The following SYNPO2 variants were observed in gnomAD, a reference collection of about 807,000 sequenced individuals.
The protein encoded by SYNPO2 is synaptopodin-2.
SYNPO2 carries 56 observed loss-of-function variants against 85.0 expected under a neutral mutation model. The ratio of observed to expected loss-of-function variants is 0.66; its 90% CI spans 0.53 to 0.82. SYNPO2 has a LOEUF of 0.82. SYNPO2 is among the 40% of genes least tolerant of loss of function. The pLI is 0.00. For missense variants in SYNPO2, 1,575 were observed against 1,534.2 expected, an observed-to-expected ratio of 1.03 and a Z score of -0.44; for synonymous variants, 602 against 591.1, an observed-to-expected ratio of 1.02 and a Z score of -0.27.
At chr4:119,050,114 C>T (rs1197503422) in intron 4 of SYNPO2, among the ~76,000 whole-genome samples, 1 of 152,006 alleles carries the variant, frequency 6.6e-6, no homozygotes, top group Non-Finnish European at 1.5e-5. Context: ...GGCAGATCAC[C>T]TGAGGTCAGG....
chr4:119,030,277 G>T lies in SYNPO2; in HGVS notation c.1502G>T (p.Arg501Ile). Residue 501 changes from arginine (R) to isoleucine (I), a missense_variant, in exon 4 of 5, where the codon AGA becomes ATA. Physicochemically the swap from Arg to Ile is moderately conservative, Grantham distance 97 (BLOSUM62 -3). Around this residue, in one of 3 missense-constraint regions of SYNPO2, gnomAD observed 1,508 missense variants for 1,446.8 expected, o/e 1.04. Transcript: ENST00000307142. ...GALMFAKRRE[R>I]MDQITAQKEE... ...CTCATGTTTGCCAAGAGGAGGGAGA[G>T]AATGGATCAGATCACAGCCCAAAAA... 6.2e-7 allele frequency: 1 copy of T among 1,614,042 alleles called. No individual in the cohort carries two copies. Among genetic ancestry groups the T allele is most frequent in the Admixed American group, 1.7e-5 (1 of 60,000 alleles).
At chr4:118,885,117 A>G (rs992640715), upstream of SYNPO2, among the ~76,000 whole-genome samples, 5 of 152,234 alleles carry the variant, frequency 3.3e-5, no homozygotes, top group Admixed American at 2.6e-4. Flanking sequence ...AATTTTGAGA[A>G]AAGAACAGTA....
Position 119,026,986 on chromosome 4 carries a change from A to G in SYNPO2, c.617A>G (p.Glu206Gly), listed in dbSNP as rs757180888. The G allele has an allele frequency of 6.2e-7, 1 of 1,614,188 alleles. No individual in the cohort carries two copies. The change falls in exon 3 of 5, where the codon GAG becomes GGG. Residue 206 changes from glutamate to glycine, a missense_variant. By Grantham distance (98) the Glu-to-Gly change is moderately conservative. This residue lies in a region of SYNPO2 where 1,508 missense variants were observed against 1,446.8 expected (regional missense o/e 1.04). Transcript: ENST00000307142. ...VVELQLSLSQ[E>G]RHKGASGPLV... ...GAGCTGCAACTGTCCCTTTCACAGG[A>G]GAGACATAAGGGCGCTAGTGGCCCT... is the stretch of plus-strand genomic sequence containing the variant.
intron 1 of SYNPO2, among the ~76,000 whole-genome samples, chr4:118,995,394 C>T (rs771089624): frequency 2.0e-5 from 3 of 152,074 alleles, no homozygotes; most frequent in Non-Finnish European, 4.4e-5. Flanking sequence ...TATTGTATAC[C>T]TATCACTGTG....
At chr4:119,054,159 C>T (rs1182982060) in intron 4 of SYNPO2, among the ~76,000 whole-genome samples, 3 of 152,228 alleles carry the variant, frequency 2.0e-5, no homozygotes, top group African/African-American at 2.4e-5. Context: ...CCACTCCGGG[C>T]GCCAGCAGGA....
chr4:119,005,214 A>G (rs1254154558), intron 1 of SYNPO2, among the ~76,000 whole-genome samples: 1 of 152,156 alleles, frequency 6.6e-6, no homozygotes, highest in Non-Finnish European at 1.5e-5. Flanking sequence ...TTTGCTGTGC[A>G]GAAGCTCTTT....
intron 1 of SYNPO2, among the ~76,000 whole-genome samples, chr4:118,900,729 ATATGTC>A (rs1388267872): frequency 4.7e-4 from 44 of 93,950 alleles, no homozygotes; most frequent in African/African-American, 1.6e-3. Flanking sequence ...ATATATATAT[ATATGTC>A]TGTCTGTCTA....
At chr4:118,901,856 C>G (rs1357581764) in intron 1 of SYNPO2, among the ~76,000 whole-genome samples, 1 of 152,178 alleles carries the variant, frequency 6.6e-6, no homozygotes, top group African/African-American at 2.4e-5. Context: ...ACTGTAAATC[C>G]ACATAGTAAA....
At chr4:118,933,896 G>A (rs1734017472) in intron 1 of SYNPO2, among the ~76,000 whole-genome samples, 1 of 133,676 alleles carries the variant, frequency 7.5e-6, no homozygotes, top group Non-Finnish European at 1.5e-5. Flanking sequence ...ATACATGTAG[G>A]ATGAAAAGTT....
In SYNPO2 at chr4:119,029,855, G is replaced by A. The variant is rs1738136550; in HGVS notation, c.1080G>A (p.Arg360=). The A allele has an allele frequency of 6.3e-7, 1 of 1,583,634 alleles. No individual in the cohort carries two copies. Residue 360 remains arginine (R), a synonymous_variant, in exon 4 of 5, where the codon AGG becomes AGA. Coordinates refer to ENST00000307142, the MANE Select transcript of SYNPO2 (RefSeq NM_133477.3). Reference sequence around the variant, plus strand: ...TTTTGCTTTCCCTAGGGCTCAGGAGGAGTGAAAGCCTGTCAGAAAAACAAG... The same window carrying A: ...TTTTGCTTTCCCTAGGGCTCAGGAGAAGTGAAAGCCTGTCAGAAAAACAAG... ...KHRARHARLR[R]SESLSEKQVK...
intron 1 of SYNPO2, among the ~76,000 whole-genome samples, chr4:118,905,609 A>G (rs1311815796): frequency 1.3e-5 from 2 of 152,226 alleles, no homozygotes; most frequent in African/African-American, 2.4e-5. Flanking sequence ...ACAGTCCAGC[A>G]CATCTCTCAT....
At chr4:118,857,010 A>G (rs114465037) in intron 1 of SYNPO2, among the ~76,000 whole-genome samples, 6,251 of 152,188 alleles carry the variant, frequency 0.041, 193 homozygotes, top group Non-Finnish European at 0.064. Flanking sequence ...TTATAAGTAT[A>G]GCCCACAGTA....
chr4:118,952,825 T>C (rs186202579), intron 1 of SYNPO2, among the ~76,000 whole-genome samples: 205 of 152,262 alleles, frequency 1.3e-3, no homozygotes, highest in African/African-American at 4.6e-3. Context: ...CATCAGACAG[T>C]GTGCTGGTGC....
intron 1 of SYNPO2, among the ~76,000 whole-genome samples, chr4:119,007,408 C>A (rs1737123306): frequency 2.1e-5 from 3 of 145,274 alleles, no homozygotes; most frequent in Admixed American, 1.4e-4. Context: ...AAACAAAAAA[C>A]AAACAAAAAA....
At chr4:118,925,291 C>T (rs926706328) in intron 1 of SYNPO2, among the ~76,000 whole-genome samples, 12 of 152,044 alleles carry the variant, frequency 7.9e-5, no homozygotes, top group African/African-American at 2.7e-4. Context: ...CATGTGAAGC[C>T]CTTCAGATGT....
chr4:118,922,832 G>C (rs953130182), intron 1 of SYNPO2, among the ~76,000 whole-genome samples: 11 of 152,012 alleles, frequency 7.2e-5, no homozygotes, highest in African/African-American at 2.2e-4. Flanking sequence ...ATTACGTTTA[G>C]AGATCCCAGA....
chr4:118,875,113 G>A (rs779352467), intron 1 of SYNPO2, among the ~76,000 whole-genome samples: 2 of 152,280 alleles, frequency 1.3e-5, no homozygotes, highest in Non-Finnish European at 2.9e-5. Flanking sequence ...GCGGTATTTG[G>A]TTTTCTGTTC....
At chr4:118,863,757 G>A (rs1191442238) in intron 1 of SYNPO2, among the ~76,000 whole-genome samples, 2 of 151,806 alleles carry the variant, frequency 1.3e-5, no homozygotes, top group African/African-American at 2.4e-5. Context: ...GACTACAGGC[G>A]CAAGCCATCA....
intron 1 of SYNPO2, among the ~76,000 whole-genome samples, chr4:118,878,884 G>A (rs1402625130): frequency 6.6e-6 from 1 of 152,178 alleles, no homozygotes; most frequent in Non-Finnish European, 1.5e-5. Context: ...CTGTCTTGTG[G>A]ATGTTTTGTT....
Sources: gnomAD v4.1 joint callset for allele counts (sites outside exome capture counted in the v4.1 genomes callset) on GRCh38, gnomAD v4.1.1 for gene constraint, gnomAD v4.1.1 regional missense constraint, MANE v1.5 for transcripts, NCBI Gene and HGNC (gene_info 2026-07-23, HGNC 2026-07-21) for gene names.